The following ARHGAP29 variants were observed in gnomAD, a reference collection of about 807,000 sequenced individuals.
ARHGAP29 encodes the protein rho GTPase-activating protein 29.
A neutral mutation model predicts 122.6 loss-of-function variants in ARHGAP29; 43 were observed. That is an observed-to-expected ratio of 0.35 (90% CI 0.27 to 0.45). The LOEUF is 0.45. Among genes scored for constraint, ARHGAP29 ranks in the 20% least tolerant of loss-of-function variants. The probability of loss-of-function intolerance (pLI) is 1.00; values close to 1 mark genes in which losing one functional copy is unlikely to be tolerated. For synonymous variants in ARHGAP29, 506 were observed against 497.1 expected (o/e 1.02, Z -0.24); for missense variants, 1,303 against 1,477.2 (o/e 0.88, Z 1.93).
chr1:94,215,120 G>T (rs892628288), intron 3 of ARHGAP29, among the ~76,000 whole-genome samples: 2 of 132,442 alleles, frequency 1.5e-5, no homozygotes, highest in Non-Finnish European at 3.2e-5. Flanking sequence ...AAAAAAAAAA[G>T]AAAATAATAA....
chr1:94,176,281 G>A (rs1649086370), intron 22 of ARHGAP29, among the ~76,000 whole-genome samples: 1 of 152,114 alleles, frequency 6.6e-6, no homozygotes, highest in African/African-American at 2.4e-5. Context: ...ATGTTGCTGT[G>A]TGATCTAAAT....
Position 94,215,795 on chromosome 1 carries a change from A to T in ARHGAP29, c.340+4463T>A, listed in dbSNP as rs917875081. 3.3e-5 allele frequency among the ~76,000 whole-genome samples: 5 copies of T among 152,272 alleles called. No homozygotes were observed. In the South Asian group the frequency reaches 8.3e-4, roughly 25 times the overall value. On this transcript the variant is annotated intron_variant, in intron 3 of 22. Transcript: ENST00000260526. ...AAAGACAAAAAATGAAGTAAAAAAA[A>T]TTTTTCAACATTAATCAAAGACTAA...
At chr1:94,219,101 G>A (rs1652123853) in intron 3 of ARHGAP29, among the ~76,000 whole-genome samples, 1 of 152,062 alleles carries the variant, frequency 6.6e-6, no homozygotes, top group African/African-American at 2.4e-5. Flanking sequence ...ATGGTGCCTA[G>A]GCGTACTTCT....
At chr1:94,255,844 G>A (rs947940272) in intron 1 of ARHGAP29, among the ~76,000 whole-genome samples, 1 of 152,196 alleles carries the variant, frequency 6.6e-6, no homozygotes, top group African/African-American at 2.4e-5. Context: ...CAGTTTTAGG[G>A]ATACTGTTGC....
chr1:94,304,866 C>G, the ARHGAP29 span, among the ~76,000 whole-genome samples: 23 of 152,112 alleles, frequency 1.5e-4, no homozygotes, highest in African/African-American at 5.6e-4. Context: ...CATAATGATT[C>G]CTAGTCAGCA....
In ARHGAP29 at chr1:94,169,558, G is replaced by A. The variant is rs1265191238; in HGVS notation, c.*4311C>T. 6.6e-6 allele frequency among the ~76,000 whole-genome samples: 1 copy of A among 152,220 alleles called. No individual in the cohort carries two copies. Among genetic ancestry groups the A allele is most frequent in the East Asian group, 1.9e-4 (1 of 5,206 alleles). ...AAAGGATTGAATTGAAGGTGTCAATGTGAACTCAAAGTTTTCAATACGTAT... is the reference window on the plus strand; with the variant it reads ...AAAGGATTGAATTGAAGGTGTCAATATGAACTCAAAGTTTTCAATACGTAT... On this transcript the variant is annotated 3_prime_UTR_variant, in exon 23 of 23. Transcript: ENST00000260526.
At position 94,231,508 on chromosome 1, in the gene ARHGAP29, C is replaced by T. The variant is rs770933013; in HGVS notation, c.104G>A (p.Ser35Asn). The change falls in exon 2 of 23, where the codon AGT (serine) becomes AAT (asparagine). Residue 35 changes from serine to asparagine, a missense_variant. Physicochemically the swap from Ser to Asn is conservative, Grantham distance 46. This residue lies in a region of ARHGAP29 where 592 missense variants were observed against 648.2 expected (regional missense o/e 0.91). Transcript: ENST00000260526. ...ATCCGGATCAAAAATAGAGTTGGAA[C>T]TTAAGGACTTGAGCCCCATTTCAGA... ...TTSEMGLKSL[S>N]SNSIFDPDYI... 31 of 1,613,694 alleles carry T rather than the reference C, an allele frequency of 1.9e-5. No individual in the cohort carries two copies. The highest frequency in any genetic ancestry group is 2.6e-5 in the Non-Finnish European group (31 of 1,179,782).
chr1:94,203,864 G>T (rs369655042), intron 8 of ARHGAP29, 66 bp downstream of exon 8: 1 of 1,375,512 alleles, frequency 7.3e-7, no homozygotes. Flanking sequence ...TTCTGATTTT[G>T]CAAATTATTG....
At chr1:94,281,607 G>A in the ARHGAP29 span, among the ~76,000 whole-genome samples, 48 of 152,210 alleles carry the variant, frequency 3.2e-4, no homozygotes, top group Non-Finnish European at 6.2e-4. Context: ...ACATAATAGC[G>A]TTATCACTGG....
intron 3 of ARHGAP29, among the ~76,000 whole-genome samples, chr1:94,211,367 T>C (rs1651603496): frequency 6.9e-6 from 1 of 144,606 alleles, no homozygotes; most frequent in Non-Finnish European, 1.5e-5. Context: ...TTTAAAATAC[T>C]GAAAAACTGC....
At chr1:94,314,265 A>C in the ARHGAP29 span, among the ~76,000 whole-genome samples, 1 of 152,236 alleles carries the variant, frequency 6.6e-6, no homozygotes, top group African/African-American at 2.4e-5. Flanking sequence ...ATGAACTTCC[A>C]GGGAGTCAAA....
At chr1:94,266,796 C>G (rs140083829) in intron 1 of ARHGAP29, among the ~76,000 whole-genome samples, 266 of 152,314 alleles carry the variant, frequency 1.7e-3, no homozygotes, top group African/African-American at 6.2e-3. Flanking sequence ...TTCTGATTGC[C>G]TTCACGTTCC....
At chr1:94,190,137 T>A in intron 12 of ARHGAP29, 54 bp from the exon 13 acceptor site, 2 of 1,559,630 alleles carry the variant, frequency 1.3e-6, no homozygotes, top group Non-Finnish European at 1.8e-6. Context: ...GAATGCTATA[T>A]AAACATACAT....
rs758799135 is a variant in ARHGAP29 at position 94,174,011 on chromosome 1, C to T, written c.3644G>A (p.Cys1215Tyr). 4 of 1,614,214 alleles carry T rather than the reference C, an allele frequency of 2.5e-6. No homozygotes were observed. The Admixed American group carries it at 5.0e-5, about 20-fold the overall frequency. Residue 1215 changes from cysteine (C) to tyrosine (Y), a missense_variant, in exon 23 of 23, where the codon TGT (cysteine) becomes TAT (tyrosine). By Grantham distance (194) the Cys-to-Tyr change is radical. This residue lies in a region of ARHGAP29 where 620 missense variants were observed against 651.2 expected (regional missense o/e 0.95). Transcript: ENST00000260526. Reference sequence around the variant, plus strand: ...AGGTTGACCAGTTGCTTGCCCAGGACAAGCTGATGCTTTGTCTGGGTCTGG... The same window carrying T: ...AGGTTGACCAGTTGCTTGCCCAGGATAAGCTGATGCTTTGTCTGGGTCTGG... Reference protein sequence around the residue: ...SMPDPDKASACPGQATGQPKE... With the variant: ...SMPDPDKASAYPGQATGQPKE...
chr1:94,285,060 C>G, the ARHGAP29 span, among the ~76,000 whole-genome samples: 1 of 152,180 alleles, frequency 6.6e-6, no homozygotes, highest in Non-Finnish European at 1.5e-5. Context: ...AAATTATTGT[C>G]TACCTAACAT....
chr1:94,306,112 C>T, the ARHGAP29 span, among the ~76,000 whole-genome samples: 38 of 152,358 alleles, frequency 2.5e-4, no homozygotes, highest in African/African-American at 9.1e-4. Flanking sequence ...AACCAATTTA[C>T]AAGGCATCAT....
At chr1:94,311,272 A>T in the ARHGAP29 span, among the ~76,000 whole-genome samples, 1 of 152,208 alleles carries the variant, frequency 6.6e-6, no homozygotes, top group African/African-American at 2.4e-5. Context: ...CTTTCCTTCT[A>T]AAGGGAGCTT....
At chr1:94,207,156 A>ACG (rs1338411359) in intron 5 of ARHGAP29, among the ~76,000 whole-genome samples, 10 of 151,622 alleles carry the variant, frequency 6.6e-5, no homozygotes, top group African/African-American at 2.4e-4. Context: ...CTACAGATGC[A>ACG]CATCACCCTT....
At chr1:94,298,818 T>G in the ARHGAP29 span, among the ~76,000 whole-genome samples, 3 of 152,234 alleles carry the variant, frequency 2.0e-5, no homozygotes, top group East Asian at 5.8e-4. Context: ...GACAATAAAT[T>G]TATGAAAACA....
Sources: gnomAD v4.1 joint callset for allele counts (sites outside exome capture counted in the v4.1 genomes callset) on GRCh38, gnomAD v4.1.1 for gene constraint, gnomAD v4.1.1 regional missense constraint, MANE v1.5 for transcripts, NCBI Gene and HGNC (gene_info 2026-07-23, HGNC 2026-07-21) for gene names.